Variants in PPP5C observed in about 807,000 individuals in gnomAD.
PPP5C encodes the protein protein phosphatase 5 catalytic subunit, also known as serine/threonine-protein phosphatase 5.
PPP5C carries 21 observed loss-of-function variants against 66.7 expected under a neutral mutation model. The observed-to-expected ratio is 0.31, with a 90% CI of 0.22 to 0.45. The LOEUF (loss-of-function observed/expected upper bound fraction) is 0.45, where lower values mean the gene tolerates loss of function less well. Among genes scored for constraint, PPP5C ranks in the 20% least tolerant of loss-of-function variants. PPP5C has a pLI of 1.00. For missense variants in PPP5C, 464 were observed against 675.9 expected, an observed-to-expected ratio of 0.69 and a Z score of 3.48; for synonymous variants, 246 against 257.4, an observed-to-expected ratio of 0.96 and a Z score of 0.43.
At chr19:46,373,265 A>G (rs1220818908) in intron 2 of PPP5C, among the ~76,000 whole-genome samples, 1 of 152,236 alleles carries the variant, frequency 6.6e-6, no homozygotes, top group African/African-American at 2.4e-5. Flanking sequence ...CAGCGTGCAT[A>G]GCGGAAATCA....
At chr19:46,348,036 G>A (rs560578447) in intron 1 of PPP5C, among the ~76,000 whole-genome samples, 1 of 152,054 alleles carries the variant, frequency 6.6e-6, no homozygotes, top group African/African-American at 2.4e-5. Context: ...ATGAAGTAGA[G>A]AATAAGGGTT....
At chr19:46,379,952 G>C (rs1379718528) in intron 4 of PPP5C, among the ~76,000 whole-genome samples, 1 of 152,192 alleles carries the variant, frequency 6.6e-6, no homozygotes. Context: ...ATTACAATGT[G>C]TAACTTTAAC....
chr19:46,351,681 GCT>G (rs1972187834), intron 1 of PPP5C, among the ~76,000 whole-genome samples: 1 of 152,248 alleles, frequency 6.6e-6, no homozygotes, highest in Non-Finnish European at 1.5e-5. Flanking sequence ...CCTCAAAGGC[GCT>G]GGCATTCCAG....
rs987556304 is a variant in PPP5C, at chr19:46,390,729, G to C, written c.*383G>C. 40 of 1,145,856 alleles carry C rather than the reference G, an allele frequency of 3.5e-5. No homozygotes were observed. In the African/African-American group the frequency reaches 6.2e-4, roughly 18 times the overall value. The allele number at this position is 1,145,856 out of a possible 1,614,324, so 71.0% of individuals were successfully genotyped here. On this transcript the variant is annotated 3_prime_UTR_variant, in exon 13 of 13. Transcript: ENST00000012443. ...GACCCCCAGAGAGAGGGTCAGCAGG[G>C]GGGCCCCGCCTGCGCCTCCCCTCCT...
intron 8 of PPP5C, 30 bp downstream of exon 8, chr19:46,387,265 T>C: frequency 1.2e-6 from 2 of 1,613,864 alleles, no homozygotes; most frequent in South Asian, 2.2e-5. Context: ...TGAGTGTGGG[T>C]TCCCCACCCA....
intron 4 of PPP5C, among the ~76,000 whole-genome samples, chr19:46,380,172 T>G (rs1192536875): frequency 6.6e-6 from 1 of 151,952 alleles, no homozygotes; most frequent in Non-Finnish European, 1.5e-5. Flanking sequence ...ATACAAAAAT[T>G]AGCCAGGCAT....
chr19:46,387,572 T>A, intron 9 of PPP5C, 119 bp downstream of exon 9: 1 of 1,573,608 alleles, frequency 6.4e-7, no homozygotes, highest in Middle Eastern at 1.7e-4. Flanking sequence ...AAACAGCGGG[T>A]CTGAGCCTCA....
At position 46,390,787 on chromosome 19, in the gene PPP5C, C is replaced by A; in HGVS notation, c.*441C>A. On this transcript the variant is annotated 3_prime_UTR_variant, in exon 13 of 13. Transcript: ENST00000012443. ...CATGGTGGGGCTAGGCTGGGGCTCACCCCCCTCCCCAGCTATTTTATGTCT... is the reference window on the plus strand; with the variant it reads ...CATGGTGGGGCTAGGCTGGGGCTCAACCCCCTCCCCAGCTATTTTATGTCT... The A allele has an allele frequency of 1.8e-6, 2 of 1,125,486 alleles. No individual in the cohort carries two copies. The highest frequency in any genetic ancestry group is 2.2e-6 in the Non-Finnish European group (2 of 908,870). The allele number at this position is 1,125,486 out of a possible 1,614,324, so 69.7% of individuals were successfully genotyped here. A position where few individuals can be genotyped will look rare whatever the true frequency, so the allele number is the denominator to read the frequency against.
intron 2 of PPP5C, among the ~76,000 whole-genome samples, chr19:46,355,732 T>C (rs1405765961): frequency 6.6e-6 from 1 of 152,036 alleles, no homozygotes; most frequent in Non-Finnish European, 1.5e-5. Flanking sequence ...GTGGCTGTGA[T>C]GACATGGTTG....
intron 2 of PPP5C, among the ~76,000 whole-genome samples, chr19:46,370,539 A>C (rs1382646833): frequency 6.6e-6 from 1 of 152,156 alleles, no homozygotes; most frequent in Admixed American, 6.5e-5. Context: ...GGTTCTTTTC[A>C]GAAAAATGTC....
chr19:46,359,357 A>G (rs1368314838), intron 2 of PPP5C, among the ~76,000 whole-genome samples: 1 of 152,202 alleles, frequency 6.6e-6, no homozygotes, highest in East Asian at 1.9e-4. Context: ...AATAGTAGAA[A>G]TATAATGCAC....
At chr19:46,354,879 G>A (rs1310317265) in intron 2 of PPP5C, among the ~76,000 whole-genome samples, 1 of 151,808 alleles carries the variant, frequency 6.6e-6, no homozygotes, top group Non-Finnish European at 1.5e-5. Context: ...AGGGGACCTA[G>A]GGCACAGTGA....
At chr19:46,359,009 G>A (rs1249996742) in intron 2 of PPP5C, among the ~76,000 whole-genome samples, 1 of 152,092 alleles carries the variant, frequency 6.6e-6, no homozygotes, top group Non-Finnish European at 1.5e-5. Flanking sequence ...CATTACTCAA[G>A]GAAAAGTTTC....
chr19:46,372,833 T>C (rs1972618093), intron 2 of PPP5C, among the ~76,000 whole-genome samples: 1 of 152,162 alleles, frequency 6.6e-6, no homozygotes, highest in Non-Finnish European at 1.5e-5. Context: ...AAAAGTTCAG[T>C]GTGAAGTTCT....
intron 2 of PPP5C, among the ~76,000 whole-genome samples, chr19:46,369,636 A>AC (rs1412008820): frequency 6.9e-6 from 1 of 145,534 alleles, no homozygotes; most frequent in Non-Finnish European, 1.5e-5. Flanking sequence ...TGTCTCAAAA[A>AC]AAAAAAAAAG....
chr19:46,355,457 G>T (rs1972269059), intron 2 of PPP5C, among the ~76,000 whole-genome samples: 1 of 152,150 alleles, frequency 6.6e-6, no homozygotes, highest in South Asian at 2.1e-4. Context: ...CCTGGCTGTT[G>T]GCCGCTGGCC....
rs1972833559 is a variant in PPP5C, at chr19:46,383,666, C to G, written c.700-114C>G. On this transcript the variant is annotated intron_variant, in intron 5 of 12. Coordinates refer to ENST00000012443, the MANE Select transcript of PPP5C (RefSeq NM_006247.4). The surrounding 1 kb of genome is among the most constrained non-coding windows in gnomAD (Gnocchi z 5.0). The stretch of plus-strand genomic sequence containing the variant: ...CTTCGTTTGTGTTCCCTGCTTGTGT[C>G]TCTTGCATGATTCTTCTTGGTCTAC... 9.5e-7 allele frequency: 1 copy of G among 1,048,312 alleles called. No individual in the cohort carries two copies. Among genetic ancestry groups the G allele is most frequent in the Non-Finnish European group, 1.4e-6 (1 of 700,316 alleles). 64.9% of individuals were successfully genotyped at this position (1,048,312 alleles called of 1,614,324 possible). A position where few individuals can be genotyped will look rare whatever the true frequency, so the allele number is the denominator to read the frequency against.
chr19:46,376,130 G>A lies in PPP5C; in HGVS notation c.512-323G>A, dbSNP rs1373674484. 2.6e-5 allele frequency among the ~76,000 whole-genome samples: 4 copies of A among 152,180 alleles called. No individual in the cohort carries two copies. Among genetic ancestry groups the A allele is most frequent in the Admixed American group, 1.3e-4 (2 of 15,286 alleles). Reference sequence around the variant, plus strand: ...CCCGGCACTGTCCTAGGCACTAGGGGTACAGCTATGAACAAAACCCTTCCT... The same window carrying A: ...CCCGGCACTGTCCTAGGCACTAGGGATACAGCTATGAACAAAACCCTTCCT... On this transcript the variant is annotated intron_variant, in intron 3 of 12. Coordinates refer to ENST00000012443, the MANE Select transcript of PPP5C (RefSeq NM_006247.4). The surrounding 1 kb of genome is among the most constrained non-coding windows in gnomAD (Gnocchi z 5.1).
chr19:46,361,894 A>G (rs1359178513), intron 2 of PPP5C, among the ~76,000 whole-genome samples: 2 of 152,198 alleles, frequency 1.3e-5, no homozygotes, highest in Non-Finnish European at 2.9e-5. Flanking sequence ...TCCAATCTCA[A>G]TCAGCTTTGA....
Sources: gnomAD v4.1 joint callset for allele counts (sites outside exome capture counted in the v4.1 genomes callset) on GRCh38, gnomAD v4.1.1 for gene constraint, Gnocchi (gnomAD v3.1) non-coding constraint, MANE v1.5 for transcripts, NCBI Gene and HGNC (gene_info 2026-07-23, HGNC 2026-07-21) for gene names.